Variants in XKR6 observed in about 807,000 individuals in gnomAD.
XKR6 encodes the protein XK related 6, also known as XK-related protein 6.
In XKR6, 22 loss-of-function variants were observed where a neutral mutation model predicts 56.7. That is an observed-to-expected ratio of 0.39 (90% confidence interval 0.28 to 0.55). The LOEUF (loss-of-function observed/expected upper bound fraction) is 0.55, where lower values mean the gene tolerates loss of function less well. Among genes scored for constraint, XKR6 ranks in the 20% least tolerant of loss-of-function variants. The probability of loss-of-function intolerance (pLI) is 0.66; values close to 1 mark genes in which losing one functional copy is unlikely to be tolerated. For synonymous variants in XKR6, 524 were observed against 387.8 expected, an observed-to-expected ratio of 1.35 and a Z score of -4.13; for missense variants, 852 against 889.0, an observed-to-expected ratio of 0.96 and a Z score of 0.53.
At chr8:10,946,466 T>C (rs1229422052) in intron 1 of XKR6, among the ~76,000 whole-genome samples, 1 of 151,978 alleles carries the variant, frequency 6.6e-6, no homozygotes, top group Non-Finnish European at 1.5e-5. Context: ...TTTCGGCCCA[T>C]AGTGGGCTTA....
chr8:11,178,417 T>C (rs938704028), intron 1 of XKR6, among the ~76,000 whole-genome samples: 2 of 151,690 alleles, frequency 1.3e-5, no homozygotes, highest in African/African-American at 4.8e-5. Flanking sequence ...ACCACCTGAA[T>C]TCCAACCAGA....
At chr8:11,172,725 T>G (rs1333498370) in intron 1 of XKR6, among the ~76,000 whole-genome samples, 1 of 152,164 alleles carries the variant, frequency 6.6e-6, no homozygotes, top group African/African-American at 2.4e-5. Context: ...AATTTTAAAT[T>G]CCAAAGCTTT....
Position 11,200,262 on chromosome 8 carries a change from G to A in XKR6, c.764+314C>T, listed in dbSNP as rs1376623229. 1.3e-5 allele frequency among the ~76,000 whole-genome samples: 2 copies of A among 152,230 alleles called. No individual in the cohort carries two copies. Among genetic ancestry groups the A allele is most frequent in the Non-Finnish European group, 2.9e-5 (2 of 68,040 alleles). On this transcript the variant is annotated intron_variant, in intron 1 of 2. Coordinates refer to ENST00000416569, the MANE Select transcript of XKR6 (RefSeq NM_173683.4). The surrounding 1 kb of genome is among the most constrained non-coding windows in gnomAD (Gnocchi z 6.4). ...GCGCCCGCAGCTGGTTACCTCGGGAGGCAGGGAAAAGGGACGCTTGGGAAC... is the reference window on the plus strand; with the variant it reads ...GCGCCCGCAGCTGGTTACCTCGGGAAGCAGGGAAAAGGGACGCTTGGGAAC...
At chr8:11,107,239 G>A (rs547031092) in intron 1 of XKR6, among the ~76,000 whole-genome samples, 98 of 149,122 alleles carry the variant, frequency 6.6e-4, no homozygotes, top group Non-Finnish European at 1.2e-3. Flanking sequence ...TCACTCCATC[G>A]CCTGGGATGA....
intron 1 of XKR6, among the ~76,000 whole-genome samples, chr8:11,147,173 G>A (rs1801025985): frequency 6.6e-6 from 1 of 151,998 alleles, no homozygotes. Context: ...TGCTCTTGAT[G>A]GTGTTAATGG....
chr8:10,915,569 A>T (rs1800539262), intron 2 of XKR6, among the ~76,000 whole-genome samples: 1 of 151,938 alleles, frequency 6.6e-6, no homozygotes, highest in Non-Finnish European at 1.5e-5. Flanking sequence ...GGGCGACCTC[A>T]GTGCAGGGCC....
chr8:11,128,743 A>G, intron 1 of XKR6: 1 of 428,838 alleles, frequency 2.3e-6, no homozygotes, highest in South Asian at 1.7e-5. Context: ...TCTTCACATC[A>G]TCCTTTCCAA....
Position 11,001,993 on chromosome 8 carries a change from A to T in XKR6, c.765-77163T>A, listed in dbSNP as rs147142611. On this transcript the variant is annotated intron_variant, in intron 1 of 2. Transcript: ENST00000416569. The stretch of plus-strand genomic sequence containing the variant: ...GTTTTCTAACCAGGCCAATGGGATT[A>T]TAGAGATAAGTCTTCTCTTCTCCTT... Among the ~76,000 whole-genome samples the T allele has an allele frequency of 8.2e-3, 1,248 of 151,966 alleles. 15 individuals carry two copies. The highest frequency in any genetic ancestry group is 0.029 in the African/African-American group (1,187 of 41,402).
chr8:11,044,600 G>A (rs752378087), intron 1 of XKR6, among the ~76,000 whole-genome samples: 24 of 151,624 alleles, frequency 1.6e-4, no homozygotes, highest in Non-Finnish European at 2.8e-4. Flanking sequence ...TCCCAACAAC[G>A]CTGTCTTATA....
intron 1 of XKR6, among the ~76,000 whole-genome samples, chr8:11,093,449 G>A (rs1019309870): frequency 7.2e-5 from 11 of 152,174 alleles, no homozygotes; most frequent in African/African-American, 2.2e-4. Flanking sequence ...ACTTTTCTGC[G>A]AGCAGTTCTG....
chr8:10,912,791 C>A, intron 2 of XKR6, among the ~76,000 whole-genome samples: 2 of 133,714 alleles, frequency 1.5e-5, no homozygotes, highest in African/African-American at 2.9e-5. Flanking sequence ...TGTATGTGTG[C>A]ATATATATAG....
At chr8:10,931,209 G>C (rs1032771559) in intron 1 of XKR6, among the ~76,000 whole-genome samples, 2 of 152,138 alleles carry the variant, frequency 1.3e-5, no homozygotes, top group African/African-American at 4.8e-5. Context: ...GAAATTCTTA[G>C]AGACAAATCT....
chr8:10,908,353 G>A (rs1188402568), intron 2 of XKR6, among the ~76,000 whole-genome samples: 1 of 150,960 alleles, frequency 6.6e-6, no homozygotes, highest in Non-Finnish European at 1.5e-5. Flanking sequence ...CCTTAGAAGG[G>A]CCGGCAGGGC....
chr8:10,910,387 G>A (rs544164317), intron 2 of XKR6, among the ~76,000 whole-genome samples: 2 of 152,242 alleles, frequency 1.3e-5, no homozygotes, highest in South Asian at 4.1e-4. Flanking sequence ...GGGCCTGGAG[G>A]TACAGATGCA....
intron 1 of XKR6, among the ~76,000 whole-genome samples, chr8:11,009,568 T>C (rs1798454359): frequency 6.6e-6 from 1 of 152,204 alleles, no homozygotes; most frequent in African/African-American, 2.4e-5. Context: ...TAGCATGAGC[T>C]TAGAACTAAG....
chr8:10,947,703 A>G (rs903630295), intron 1 of XKR6, among the ~76,000 whole-genome samples: 7 of 152,100 alleles, frequency 4.6e-5, no homozygotes, highest in African/African-American at 1.4e-4. Context: ...TCTTCTCCCA[A>G]CCTTCAGTTT....
chr8:11,200,499 G>T lies in XKR6; in HGVS notation c.764+77C>A. ...CCCCCCGCGCTGGGCCCTTTCGAGG[G>T]GCCGCCCCGCGAAGCACCGGGAGGG... On this transcript the variant is annotated intron_variant, in intron 1 of 2. Transcript: ENST00000416569. The surrounding 1 kb of genome is among the most constrained non-coding windows in gnomAD (Gnocchi z 6.4). 1 of 1,363,774 alleles carries T rather than the reference G, an allele frequency of 7.3e-7. No individual in the cohort carries two copies. The highest frequency in any genetic ancestry group is 9.4e-7 in the Non-Finnish European group (1 of 1,065,470). 84.5% of individuals were successfully genotyped at this position (1,363,774 alleles called of 1,614,324 possible). A position where few individuals can be genotyped will look rare whatever the true frequency, so the allele number is the denominator to read the frequency against.
intron 1 of XKR6, among the ~76,000 whole-genome samples, chr8:11,111,493 G>C (rs1030177146): frequency 6.6e-6 from 1 of 152,176 alleles, no homozygotes; most frequent in African/African-American, 2.4e-5. Flanking sequence ...GCCTTTAGGA[G>C]TGTCACTTGA....
intron 1 of XKR6, among the ~76,000 whole-genome samples, chr8:11,011,900 G>T (rs909981241): frequency 1.3e-5 from 2 of 152,220 alleles, no homozygotes; most frequent in Non-Finnish European, 2.9e-5. Flanking sequence ...CCAGTGCAGT[G>T]TGGCAGCTCA....
Sources: gnomAD v4.1 joint callset for allele counts (sites outside exome capture counted in the v4.1 genomes callset) on GRCh38, gnomAD v4.1.1 for gene constraint, Gnocchi (gnomAD v3.1) non-coding constraint, MANE v1.5 for transcripts, NCBI Gene and HGNC (gene_info 2026-07-23, HGNC 2026-07-21) for gene names.